The following LPP variants were observed in gnomAD, a reference collection of about 807,000 sequenced individuals.
LPP encodes the protein lipoma-preferred partner.
A neutral mutation model predicts 60.4 loss-of-function variants in LPP; 38 were observed. That is an observed-to-expected ratio of 0.63 (90% CI 0.49 to 0.83). The LOEUF is 0.83. Among genes scored for constraint, LPP ranks in the 40% least tolerant of loss-of-function variants. LPP has a pLI of 0.00. For synonymous variants in LPP, 328 were observed against 290.8 expected (o/e 1.13, Z -1.30); for missense variants, 902 against 783.6 (o/e 1.15, Z -1.80).
chr3:188,479,790 A>T (rs1804259788), intron 4 of LPP, among the ~76,000 whole-genome samples: 1 of 152,196 alleles, frequency 6.6e-6, no homozygotes, highest in African/African-American at 2.4e-5. Flanking sequence ...TATTTAGATG[A>T]AGAAGAGCAT....
chr3:188,694,774 A>G (rs1862884067), intron 7 of LPP, among the ~76,000 whole-genome samples: 1 of 152,162 alleles, frequency 6.6e-6, no homozygotes, highest in Non-Finnish European at 1.5e-5. Flanking sequence ...CTGCATCAGA[A>G]TTAGTTGGGG....
intron 2 of LPP, among the ~76,000 whole-genome samples, chr3:188,289,533 C>T (rs1300998927): frequency 6.6e-6 from 1 of 152,102 alleles, no homozygotes; most frequent in Non-Finnish European, 1.5e-5. Flanking sequence ...ATAGTCAGTA[C>T]TGTTATTATT....
intron 4 of LPP, among the ~76,000 whole-genome samples, chr3:188,466,637 G>A (rs929048047): frequency 2.0e-5 from 3 of 150,778 alleles, no homozygotes; most frequent in Non-Finnish European, 3.0e-5. Context: ...TAATACCTTC[G>A]TTAATATGGT....
intron 8 of LPP, among the ~76,000 whole-genome samples, chr3:188,753,287 T>A (rs1728679813): frequency 6.6e-6 from 1 of 152,230 alleles, no homozygotes; most frequent in African/African-American, 2.4e-5. Flanking sequence ...AATAATTTTC[T>A]ATTTTTTGTT....
intron 2 of LPP, among the ~76,000 whole-genome samples, chr3:188,229,205 C>T (rs1026303008): frequency 3.9e-5 from 6 of 152,084 alleles, no homozygotes; most frequent in African/African-American, 9.7e-5. Context: ...TTAAGAAACC[C>T]GGGAAGCTCA....
Position 188,760,118 on chromosome 3 carries a change from T to C in LPP, c.1246T>C (p.Cys416Arg). Residue 416 changes from cysteine to arginine, a missense_variant, in exon 9 of 12, where the codon TGT becomes CGT. Transcript: ENST00000617246. Reference protein sequence around the residue: ...NPPADEYFGRCARCGENVVGE... With the variant: ...NPPADEYFGRRARCGENVVGE... ...TCAAACCCTTTTTTTTCCAGGCCGCTGTGCTCGCTGTGGAGAAAACGTAGT... is the reference window on the plus strand; with the variant it reads ...TCAAACCCTTTTTTTTCCAGGCCGCCGTGCTCGCTGTGGAGAAAACGTAGT... 1 of 1,614,002 alleles carries C rather than the reference T, an allele frequency of 6.2e-7. No homozygotes were observed. The highest frequency in any genetic ancestry group is 8.5e-7 in the Non-Finnish European group (1 of 1,179,962).
At position 188,384,518 on chromosome 3, in the gene LPP, G is replaced by A. The variant is rs564814813; in HGVS notation, c.-9-21594G>A. 3.9e-5 allele frequency among the ~76,000 whole-genome samples: 6 copies of A among 152,092 alleles called. No homozygotes were observed. The East Asian group carries it at 9.6e-4, about 24-fold the overall frequency. ...AAGAAAAAAATTCAGAAGGCTGGGC[G>A]CAGTGGCTCACGCCTGTAATCCCAG... On this transcript the variant is annotated intron_variant, in intron 3 of 11. Coordinates refer to ENST00000617246, the MANE Select transcript of LPP (RefSeq NM_001375462.1).
At chr3:188,707,454 T>G (rs1865711570) in intron 7 of LPP, among the ~76,000 whole-genome samples, 1 of 152,230 alleles carries the variant, frequency 6.6e-6, no homozygotes, top group African/African-American at 2.4e-5. Flanking sequence ...TTGCTCTGTA[T>G]GTCTTCACAT....
chr3:188,887,866 G>A lies in LPP; in HGVS notation c.*13387G>A. ...CATTTCCTCTCTTGGGAAAGCTGAT[G>A]AGCAAATTATCCAAGACTCATTTCT... On this transcript the variant is annotated 3_prime_UTR_variant, in exon 12 of 12. Transcript: ENST00000617246. 1 of 212,154 alleles carries A rather than the reference G, an allele frequency of 4.7e-6. No homozygotes were observed. The highest frequency in any genetic ancestry group is 7.2e-5 in the East Asian group (1 of 13,976). 13.1% of individuals were successfully genotyped at this position (212,154 alleles called of 1,614,324 possible).
chr3:188,411,163 A>G (rs562344533), intron 4 of LPP, among the ~76,000 whole-genome samples: 5 of 152,276 alleles, frequency 3.3e-5, no homozygotes, highest in African/African-American at 1.2e-4. Context: ...GACAATAATC[A>G]TATGAAAAAA....
At chr3:188,684,444 C>A (rs1268401043) in intron 7 of LPP, among the ~76,000 whole-genome samples, 1 of 152,144 alleles carries the variant, frequency 6.6e-6, no homozygotes, top group Non-Finnish European at 1.5e-5. Context: ...TGACCTAATG[C>A]CTATTAAGTT....
At chr3:188,720,149 G>T (rs1319048150) in intron 8 of LPP, among the ~76,000 whole-genome samples, 1 of 152,158 alleles carries the variant, frequency 6.6e-6, no homozygotes. Flanking sequence ...CTAACCTTGT[G>T]ATCTGCCAGC....
At chr3:188,284,196 C>A (rs1743135700) in intron 2 of LPP, among the ~76,000 whole-genome samples, 1 of 151,896 alleles carries the variant, frequency 6.6e-6, no homozygotes, top group Non-Finnish European at 1.5e-5. Flanking sequence ...GATCCGCCTG[C>A]CTCGGCCTCC....
At chr3:188,872,892 G>A in intron 11 of LPP, 129 bp downstream of exon 11, 1 of 1,245,726 alleles carries the variant, frequency 8.0e-7, no homozygotes, top group Non-Finnish European at 1.1e-6. Context: ...TAGGACTTGG[G>A]TTTTAGATTT....
chr3:188,450,573 C>T (rs1243198560), intron 4 of LPP, among the ~76,000 whole-genome samples: 1 of 151,990 alleles, frequency 6.6e-6, no homozygotes, highest in Non-Finnish European at 1.5e-5. Flanking sequence ...GGTGAAACTC[C>T]TTCTCTACTA....
intron 6 of LPP, among the ~76,000 whole-genome samples, chr3:188,594,741 T>C (rs1022986864): frequency 1.3e-5 from 2 of 152,194 alleles, no homozygotes; most frequent in South Asian, 2.1e-4. Flanking sequence ...GGAGATATGA[T>C]TATTTTTTTC....
chr3:188,366,876 G>A (rs2098188702), intron 3 of LPP, among the ~76,000 whole-genome samples: 1 of 151,860 alleles, frequency 6.6e-6, no homozygotes, highest in South Asian at 2.1e-4. Flanking sequence ...TCTTCTCACT[G>A]TTTTGCTGCA....
intron 2 of LPP, among the ~76,000 whole-genome samples, chr3:188,337,895 A>G (rs1762094714): frequency 6.6e-6 from 1 of 152,210 alleles, no homozygotes; most frequent in African/African-American, 2.4e-5. Context: ...CATGCTACTG[A>G]TGTCACTCTT....
intron 9 of LPP, among the ~76,000 whole-genome samples, chr3:188,847,468 G>A (rs767865971): frequency 2.6e-5 from 4 of 152,240 alleles, no homozygotes; most frequent in Admixed American, 6.5e-5. Context: ...CCAGAAAGAA[G>A]AGAAGGCTTT....
Sources: allele counts gnomAD v4.1 joint callset (sites outside exome capture counted in the v4.1 genomes callset), GRCh38; gene constraint gnomAD v4.1.1; transcripts MANE v1.5; gene names NCBI Gene and HGNC (gene_info 2026-07-23, HGNC 2026-07-21).